SLC37A1: variants seen among roughly 807,000 people sequenced by gnomAD.
SLC37A1 encodes glucose-6-phosphate exchanger SLC37A1.
In SLC37A1, 49 loss-of-function variants were observed where a neutral mutation model predicts 75.3. The ratio of observed to expected loss-of-function variants is 0.65; its 90% confidence interval spans 0.52 to 0.83. SLC37A1 has a LOEUF of 0.83. Ranked by LOEUF, SLC37A1 falls within the 40% of genes least tolerant of loss-of-function variation. The pLI is 0.00. For missense variants in SLC37A1, 566 were observed against 695.0 expected (o/e 0.81, Z 2.09); for synonymous variants, 268 against 292.1 (o/e 0.92, Z 0.84).
rs1234725293 is a variant in SLC37A1 at position 42,513,941 on chromosome 21, G to T, written c.-955G>T. On this transcript the variant is annotated 5_prime_UTR_variant, in exon 1 of 20. Coordinates refer to ENST00000352133, the MANE Select transcript of SLC37A1 (RefSeq NM_001320537.2). ...GCGGCGCAGGTGAGGCGCGGGGCCG[G>T]GGCCGGACCGGGAGGCGGGGACCCC... is the stretch of plus-strand genomic sequence containing the variant. 2 of 146,548 alleles carry T rather than the reference G, an allele frequency of 1.4e-5. No individual in the cohort carries two copies. The highest frequency in any genetic ancestry group is 1.9e-4 in the South Asian group (1 of 5,160). 9.1% of individuals were successfully genotyped at this position (146,548 alleles called of 1,614,324 possible). A position where few individuals can be genotyped will look rare whatever the true frequency, so the allele number is the denominator to read the frequency against.
At chr21:42,533,560 C>T (rs1164033161) in intron 3 of SLC37A1, among the ~76,000 whole-genome samples, 1 of 152,112 alleles carries the variant, frequency 6.6e-6, no homozygotes, top group Non-Finnish European at 1.5e-5. Context: ...GAAGAGCCCA[C>T]TTAGGCCCCT....
chr21:42,541,224 G>C (rs556261836), intron 6 of SLC37A1, among the ~76,000 whole-genome samples: 1 of 152,358 alleles, frequency 6.6e-6, no homozygotes, highest in South Asian at 2.1e-4. Flanking sequence ...AGGAGGTGGA[G>C]CTCAGGCGGC....
chr21:42,565,772 T>C, intron 14 of SLC37A1, 55 bp from the exon 15 acceptor site: 3 of 1,535,746 alleles, frequency 2.0e-6, no homozygotes, highest in Non-Finnish European at 2.7e-6. Context: ...TTTCCAGCAA[T>C]CTCGCACTGC....
rs372307782 is a variant in SLC37A1 at position 42,534,850 on chromosome 21, G to A, written c.271+20G>A. The A allele has an allele frequency of 9.1e-5, 146 of 1,607,782 alleles. No individual in the cohort carries two copies. In the East Asian group the frequency reaches 1.8e-3, roughly 19 times the overall value. ...CGTTTGGTAAGTCGATTATCGGTCC[G>A]TCCAGGAGCCGAAGCGGCTGTCCTT... On this transcript the variant is annotated intron_variant, in intron 4 of 19. Coordinates refer to ENST00000352133, the MANE Select transcript of SLC37A1 (RefSeq NM_001320537.2).
At chr21:42,546,489 T>C (rs1047739628) in intron 8 of SLC37A1, among the ~76,000 whole-genome samples, 5 of 152,266 alleles carry the variant, frequency 3.3e-5, no homozygotes, top group African/African-American at 1.2e-4. Flanking sequence ...GCTTGTCCTC[T>C]GAATGAGAGT....
At position 42,530,656 on chromosome 21, in the gene SLC37A1, C is replaced by CACACACACACA. The variant is rs1568997149; in HGVS notation, c.139-4042_139-4041insACACACACACA. ...CACACACACACACACACACACACAC[C>CACACACACACA]CCCTCTGTGTTGGCTGAAGGTGGAG... On this transcript the variant is annotated intron_variant, in intron 3 of 19. Transcript: ENST00000352133. Among the ~76,000 whole-genome samples, 147 of 23,486 alleles carry CACACACACACA rather than the reference C, an allele frequency of 6.3e-3. 8 individuals are homozygous for CACACACACACA. The highest frequency in any genetic ancestry group is 0.013 in the African/African-American group (91 of 7,028). 15.4% of individuals were successfully genotyped at this position (23,486 alleles called of 152,430 possible).
rs942562329 is a variant in SLC37A1 at position 42,574,763 on chromosome 21, A to T, written c.1424-55A>T. ...GCCCCATTCTCTGTGGCTGCTAGTT[A>T]TGTGCTGGGATTTTCTCTAAACAGC... On this transcript the variant is annotated intron_variant, in intron 17 of 19. Transcript: ENST00000352133. 7.7e-6 allele frequency: 12 copies of T among 1,565,164 alleles called. No homozygotes were observed. In the African/African-American group the frequency reaches 1.4e-4, roughly 18 times the overall value.
intron 19 of SLC37A1, 38 bp downstream of exon 19, chr21:42,579,838 C>G (rs371676664): frequency 2.5e-6 from 4 of 1,605,860 alleles, no homozygotes; most frequent in Non-Finnish European, 3.4e-6. Context: ...TGCGTGAAAG[C>G]CGGCTCCAAA....
chr21:42,522,186 A>C (rs2054665904), intron 2 of SLC37A1, among the ~76,000 whole-genome samples: 1 of 152,212 alleles, frequency 6.6e-6, no homozygotes, highest in African/African-American at 2.4e-5. Flanking sequence ...AATCATGTCT[A>C]CATGACCCTA....
rs201420368 is a variant in SLC37A1 at position 42,534,838 on chromosome 21, G to A, written c.271+8G>A. The A allele has an allele frequency of 1.4e-4, 225 of 1,613,000 alleles. No individual in the cohort carries two copies. In the African/African-American group the frequency reaches 1.9e-3, roughly 14 times the overall value. Reference sequence around the variant, plus strand: ...GTGGCTGGGCACCGTTTGGTAAGTCGATTATCGGTCCGTCCAGGAGCCGAA... The same window carrying A: ...GTGGCTGGGCACCGTTTGGTAAGTCAATTATCGGTCCGTCCAGGAGCCGAA... On this transcript the variant is annotated splice_region_variant and intron_variant, in intron 4 of 19. Transcript: ENST00000352133.
chr21:42,555,279 C>T (rs2055660765), intron 10 of SLC37A1, among the ~76,000 whole-genome samples: 1 of 152,148 alleles, frequency 6.6e-6, no homozygotes, highest in Admixed American at 6.5e-5. Flanking sequence ...TCAGCCACCG[C>T]ACCCGGCCTC....
At chr21:42,564,289 T>C (rs2055915770) in intron 13 of SLC37A1, among the ~76,000 whole-genome samples, 1 of 147,276 alleles carries the variant, frequency 6.8e-6, no homozygotes, top group East Asian at 2.0e-4. Flanking sequence ...CTTGGGAGGC[T>C]AGGATGGGAG....
upstream of SLC37A1, chr21:42,509,617 T>C (rs2054416962): frequency 6.6e-6 from 1 of 152,214 alleles, no homozygotes; most frequent in Non-Finnish European, 1.5e-5. The surrounding 1 kb of genome is among the most constrained non-coding windows in gnomAD (Gnocchi z 4.2). Context: ...TTTATATCCG[T>C]AGGCCGAGCA....
chr21:42,523,493 C>T (rs2054703616), intron 2 of SLC37A1, among the ~76,000 whole-genome samples: 1 of 152,242 alleles, frequency 6.6e-6, no homozygotes, highest in Non-Finnish European at 1.5e-5. Flanking sequence ...CAGTGGTGGC[C>T]TAACAGAGAG....
At chr21:42,533,898 G>C (rs867869899) in intron 3 of SLC37A1, among the ~76,000 whole-genome samples, 1 of 152,214 alleles carries the variant, frequency 6.6e-6, no homozygotes, top group African/African-American at 2.4e-5. Context: ...TCCAACCCTG[G>C]CCCTGCTTGC....
intron 3 of SLC37A1, among the ~76,000 whole-genome samples, chr21:42,529,146 GA>G (rs970189037): frequency 4.6e-5 from 7 of 152,094 alleles, no homozygotes; most frequent in Non-Finnish European, 8.8e-5. Context: ...CATGAGAATA[GA>G]CAAAAAAGTC....
intron 17 of SLC37A1, among the ~76,000 whole-genome samples, chr21:42,572,693 AGTG>A (rs2056212562): frequency 5.5e-5 from 8 of 145,064 alleles, no homozygotes; most frequent in Non-Finnish European, 1.1e-4. Context: ...AAAAAAAAAG[AGTG>A]TGTCCTGAGG....
Position 42,534,834 on chromosome 21 carries a change from A to G in SLC37A1, c.271+4A>G, listed in dbSNP as rs1235462231. ...GACTGTGGCTGGGCACCGTTTGGTA[A>G]GTCGATTATCGGTCCGTCCAGGAGC... is the stretch of plus-strand genomic sequence containing the variant. On this transcript the variant is annotated splice_donor_region_variant and intron_variant, in intron 4 of 19. Transcript: ENST00000352133. The G allele has an allele frequency of 6.2e-7, 1 of 1,613,288 alleles. No homozygotes were observed. Among genetic ancestry groups the G allele is most frequent in the Admixed American group, 1.7e-5 (1 of 59,976 alleles).
intron 17 of SLC37A1, among the ~76,000 whole-genome samples, chr21:42,569,968 C>T (rs1184543388): frequency 4.0e-5 from 6 of 151,326 alleles, no homozygotes; most frequent in African/African-American, 7.3e-5. Flanking sequence ...CCTTGTTCTG[C>T]GTTTCCTTGT....
Sources: gnomAD v4.1 joint callset for allele counts (sites outside exome capture counted in the v4.1 genomes callset) on GRCh38, gnomAD v4.1.1 for gene constraint, Gnocchi (gnomAD v3.1) non-coding constraint, MANE v1.5 for transcripts, NCBI Gene and HGNC (gene_info 2026-07-23, HGNC 2026-07-21) for gene names.